KCNK13: variants seen among roughly 807,000 people sequenced by gnomAD.
KCNK13 encodes the protein potassium two pore domain channel subfamily K member 13.
In KCNK13, 12 loss-of-function variants were observed where a neutral mutation model predicts 23.4. That is an observed-to-expected ratio of 0.51 (90% confidence interval 0.33 to 0.83). KCNK13 has a LOEUF of 0.83. Ranked by LOEUF, KCNK13 falls within the 40% of genes least tolerant of loss-of-function variation. The pLI is 0.02. For missense variants in KCNK13, 463 were observed against 556.3 expected (o/e 0.83, Z 1.69); for synonymous variants, 231 against 229.5 (o/e 1.01, Z -0.06).
intron 1 of KCNK13, among the ~76,000 whole-genome samples, chr14:90,177,752 T>G (rs761316976): frequency 2.6e-5 from 4 of 152,136 alleles, no homozygotes; most frequent in Non-Finnish European, 5.9e-5. Context: ...CGGTCTTGAT[T>G]CATGCATCAT....
rs1027248581 is a variant in KCNK13 at position 90,146,102 on chromosome 14, A to T, written c.335-38009A>T. ...TAATTGCAAATTTGTCTATTTCTAC[A>T]TACAGTTCTAGCAATTTTTGCTTCA... On this transcript the variant is annotated intron_variant, in intron 1 of 1. Transcript: ENST00000282146. Among the ~76,000 whole-genome samples the T allele has an allele frequency of 1.8e-4, 27 of 152,222 alleles. 2 individuals carry two copies.
At chr14:90,132,152 A>T (rs1596791745) in intron 1 of KCNK13, among the ~76,000 whole-genome samples, 1 of 152,270 alleles carries the variant, frequency 6.6e-6, no homozygotes, top group Non-Finnish European at 1.5e-5. Context: ...AACTTTGAGG[A>T]CATTATGCTA....
At chr14:90,082,826 C>T (rs1889229335) in intron 1 of KCNK13, among the ~76,000 whole-genome samples, 1 of 152,162 alleles carries the variant, frequency 6.6e-6, no homozygotes, top group Non-Finnish European at 1.5e-5. Flanking sequence ...TTTGGAATTG[C>T]TAGGTCATGT....
intron 1 of KCNK13, among the ~76,000 whole-genome samples, chr14:90,173,800 G>A (rs1890391655): frequency 6.6e-6 from 1 of 152,242 alleles, no homozygotes; most frequent in Non-Finnish European, 1.5e-5. Context: ...GGGGCTTACA[G>A]ATCATAGGTA....
chr14:90,097,927 A>T (rs1889430745), intron 1 of KCNK13, among the ~76,000 whole-genome samples: 1 of 152,190 alleles, frequency 6.6e-6, no homozygotes, highest in South Asian at 2.1e-4. Context: ...GGACTGTTTA[A>T]ATCCAGACCT....
At chr14:90,092,298 C>T (rs1177891303) in intron 1 of KCNK13, among the ~76,000 whole-genome samples, 1 of 152,218 alleles carries the variant, frequency 6.6e-6, no homozygotes, top group Non-Finnish European at 1.5e-5. Context: ...CTGTGAACAA[C>T]TCCATGTTGA....
chr14:90,114,879 AGTGTGG>A lies in KCNK13; in HGVS notation c.334+52343_334+52348del, dbSNP rs1237167809. ...AGTGCTCACCAGGTAGCAGCCTCGC[AGTGTGG>A]GTTTCCCCTTCTGCTAGGTGGCCCC... On this transcript the variant is annotated intron_variant, in intron 1 of 1. Coordinates refer to ENST00000282146, the MANE Select transcript of KCNK13 (RefSeq NM_022054.4). Among the ~76,000 whole-genome samples the A allele has an allele frequency of 2.0e-5, 3 of 152,294 alleles. No individual in the cohort carries two copies. In the East Asian group the frequency reaches 5.8e-4, roughly 29 times the overall value.
At chr14:90,143,189 TC>T (rs1566644782) in intron 1 of KCNK13, among the ~76,000 whole-genome samples, 7 of 133,238 alleles carry the variant, frequency 5.3e-5, no homozygotes, top group South Asian at 3.2e-4. Context: ...TCTTTTCTTT[TC>T]TTTCTTTCTT....
intron 1 of KCNK13, among the ~76,000 whole-genome samples, chr14:90,068,366 G>A (rs1405296815): frequency 6.6e-6 from 1 of 152,126 alleles, no homozygotes; most frequent in African/African-American, 2.4e-5. Flanking sequence ...AGGGGGAGGT[G>A]GGTGGATTGC....
intron 1 of KCNK13, among the ~76,000 whole-genome samples, chr14:90,168,586 G>C (rs1400478348): frequency 1.3e-5 from 2 of 152,132 alleles, no homozygotes; most frequent in African/African-American, 4.8e-5. Context: ...CATTGCATCA[G>C]ATCACTATTA....
At chr14:90,129,747 TA>T (rs5810479) in intron 1 of KCNK13, among the ~76,000 whole-genome samples, 1 of 20,346 alleles carries the variant, frequency 4.9e-5, no homozygotes, top group Non-Finnish European at 1.0e-4. Flanking sequence ...GAAACTTAGA[TA>T]ACTGAGACTG....
chr14:90,073,923 C>A (rs1889105721), intron 1 of KCNK13, among the ~76,000 whole-genome samples: 1 of 151,322 alleles, frequency 6.6e-6, no homozygotes, highest in Admixed American at 6.6e-5. Flanking sequence ...GCTCTGCCCA[C>A]CTCAGCCACC....
intron 1 of KCNK13, among the ~76,000 whole-genome samples, chr14:90,164,928 T>A (rs1890286776): frequency 6.6e-6 from 1 of 152,200 alleles, no homozygotes; most frequent in Non-Finnish European, 1.5e-5. Context: ...CATTTCACAC[T>A]GTTCATTTCG....
intron 1 of KCNK13, among the ~76,000 whole-genome samples, chr14:90,180,025 C>T (rs926833219): frequency 2.6e-5 from 4 of 152,134 alleles, no homozygotes; most frequent in African/African-American, 4.8e-5. Context: ...TCCTTCCCTC[C>T]GTTCTGCTCA....
chr14:90,082,142 A>G (rs1596769318), intron 1 of KCNK13, among the ~76,000 whole-genome samples: 1 of 151,980 alleles, frequency 6.6e-6, no homozygotes, highest in African/African-American at 2.4e-5. Context: ...GCTCACTGCA[A>G]CCTCTGCTTC....
intron 1 of KCNK13, among the ~76,000 whole-genome samples, chr14:90,175,531 G>C (rs948770919): frequency 3.9e-5 from 6 of 152,246 alleles, no homozygotes; most frequent in Middle Eastern, 3.4e-3. Context: ...ACCTTGCAAG[G>C]CCTCCTCTTG....
intron 1 of KCNK13, among the ~76,000 whole-genome samples, chr14:90,123,171 C>G (rs1889758531): frequency 6.6e-6 from 1 of 152,212 alleles, no homozygotes; most frequent in Non-Finnish European, 1.5e-5. Context: ...TCAAAGGCAC[C>G]TGGTACTTCC....
At chr14:90,068,912 AGGGATGTGCC>A (rs934055785) in intron 1 of KCNK13, among the ~76,000 whole-genome samples, 5 of 152,026 alleles carry the variant, frequency 3.3e-5, no homozygotes, top group African/African-American at 1.2e-4. Flanking sequence ...ATCCAGATGC[AGGGATGTGCC>A]GGGCTCAGGC....
intron 1 of KCNK13, among the ~76,000 whole-genome samples, chr14:90,076,680 G>C (rs1338141320): frequency 6.6e-6 from 1 of 152,152 alleles, no homozygotes; most frequent in Non-Finnish European, 1.5e-5. Flanking sequence ...CAATGATAGT[G>C]TGTAGACAAC....
Sources: allele counts gnomAD v4.1 joint callset (sites outside exome capture counted in the v4.1 genomes callset), GRCh38; gene constraint gnomAD v4.1.1; transcripts MANE v1.5; gene names NCBI Gene and HGNC (gene_info 2026-07-23, HGNC 2026-07-21).